The following RFX2 variants were observed in gnomAD, a reference collection of about 807,000 sequenced individuals.
The protein encoded by RFX2 is regulatory factor X2.
In RFX2, 20 loss-of-function variants were observed where a neutral mutation model predicts 87.8. That is an observed-to-expected ratio of 0.23 (90% CI 0.16 to 0.33). RFX2 has a LOEUF of 0.33. RFX2 is among the 10% of genes least tolerant of loss of function. The pLI is 1.00. For missense variants in RFX2, 767 were observed against 1,012.3 expected (o/e 0.76, Z 3.29); for synonymous variants, 397 against 431.3 (o/e 0.92, Z 0.98).
intron 1 of RFX2, among the ~76,000 whole-genome samples, chr19:6,107,209 T>A (rs1055311086): frequency 1.3e-5 from 2 of 152,016 alleles, no homozygotes; most frequent in African/African-American, 2.4e-5. Context: ...GGCAGGAGAA[T>A]GGTGTAAACC....
chr19:6,068,138 A>C (rs1207657374), intron 1 of RFX2: 1 of 152,206 alleles, frequency 6.6e-6, no homozygotes, highest in Non-Finnish European at 1.5e-5. Context: ...AATCACCAGC[A>C]GCTGGTGCCA....
intron 1 of RFX2, among the ~76,000 whole-genome samples, chr19:6,087,370 G>A (rs963208839): frequency 6.6e-6 from 1 of 152,190 alleles, no homozygotes; most frequent in African/African-American, 2.4e-5. Context: ...AGAACACTTA[G>A]GAGATAATTA....
At position 6,061,040 on chromosome 19, in the gene RFX2, G is replaced by C. The variant is rs2087422041; in HGVS notation, c.-8-13536C>G. 6.6e-6 allele frequency among the ~76,000 whole-genome samples: 1 copy of C among 152,168 alleles called. No individual in the cohort carries two copies. The highest frequency in any genetic ancestry group is 2.4e-5 in the African/African-American group (1 of 41,430). The stretch of plus-strand genomic sequence containing the variant: ...CTTGCGTTTCCTAAGCCAGGGGGCT[G>C]TTCAAGGCACTGGGCATCTCCCTGC... On this transcript the variant is annotated intron_variant, in intron 1 of 17. Coordinates refer to ENST00000303657, the MANE Select transcript of RFX2 (RefSeq NM_000635.4). The surrounding 1 kb of genome is among the most constrained non-coding windows in gnomAD (Gnocchi z 5.2).
At chr19:6,098,965 CAAAAA>C (rs34110529) in intron 1 of RFX2, among the ~76,000 whole-genome samples, 56 of 52,780 alleles carry the variant, frequency 1.1e-3, no homozygotes, top group African/African-American at 1.6e-3. Context: ...GCTTGAACCA[CAAAAA>C]AAAAAAAAAA....
chr19:6,025,779 T>G (rs1159359197), intron 6 of RFX2, among the ~76,000 whole-genome samples: 1 of 150,534 alleles, frequency 6.6e-6, no homozygotes, highest in Non-Finnish European at 1.5e-5. Context: ...TTTTATTGTC[T>G]TCTTCTTTTT....
intron 1 of RFX2, among the ~76,000 whole-genome samples, chr19:6,103,173 T>G (rs1433648887): frequency 6.6e-6 from 1 of 152,240 alleles, no homozygotes; most frequent in African/African-American, 2.4e-5. Flanking sequence ...TTTCAGCTTT[T>G]TCTCCACTTT....
At chr19:6,065,574 G>C (rs1205042895) in intron 1 of RFX2, among the ~76,000 whole-genome samples, 1 of 152,176 alleles carries the variant, frequency 6.6e-6, no homozygotes, top group African/African-American at 2.4e-5. Context: ...GTGAACCCGG[G>C]AGGCGGAGCT....
intron 1 of RFX2, among the ~76,000 whole-genome samples, chr19:6,087,456 C>T (rs1171340317): frequency 3.9e-5 from 6 of 152,258 alleles, no homozygotes; most frequent in Admixed American, 2.0e-4. Flanking sequence ...CTGCCAGAGG[C>T]GAGTAAAGGG....
chr19:6,108,470 AT>A (rs1170199240), intron 1 of RFX2, among the ~76,000 whole-genome samples: 1 of 152,118 alleles, frequency 6.6e-6, no homozygotes, highest in Non-Finnish European at 1.5e-5. Flanking sequence ...ACAGGCAAAA[AT>A]TTTTTTAAAA....
intron 7 of RFX2, among the ~76,000 whole-genome samples, 191 bp downstream of exon 7, chr19:6,015,899 T>C (rs1291622744): frequency 2.6e-5 from 4 of 152,344 alleles, no homozygotes; most frequent in Admixed American, 2.6e-4. Flanking sequence ...CACCGGCTTC[T>C]AAAGCCGACA....
chr19:6,096,572 G>T (rs1004466618), intron 1 of RFX2, among the ~76,000 whole-genome samples: 1 of 151,904 alleles, frequency 6.6e-6, no homozygotes, highest in African/African-American at 2.4e-5. Flanking sequence ...TCAGCCTCCC[G>T]AGTAGCTGGG....
chr19:6,032,242 C>A (rs2086962648), intron 5 of RFX2, among the ~76,000 whole-genome samples: 1 of 152,140 alleles, frequency 6.6e-6, no homozygotes, highest in Admixed American at 6.5e-5. Flanking sequence ...CTGCCTCAGC[C>A]TCCTGGGTAG....
intron 16 of RFX2, 66 bp from the exon 17 acceptor site, chr19:5,995,709 G>T: frequency 7.0e-7 from 1 of 1,430,324 alleles, no homozygotes; most frequent in Non-Finnish European, 9.6e-7. Flanking sequence ...GGGGGCTCGG[G>T]GGATGCCGGC....
chr19:6,030,920 C>T (rs1198660358), intron 5 of RFX2, among the ~76,000 whole-genome samples: 1 of 152,252 alleles, frequency 6.6e-6, no homozygotes, highest in East Asian at 1.9e-4. Flanking sequence ...CAGACATTGC[C>T]ACATTTCATT....
chr19:6,003,366 G>C (rs1220605339), intron 13 of RFX2, among the ~76,000 whole-genome samples: 1 of 152,112 alleles, frequency 6.6e-6, no homozygotes, highest in Non-Finnish European at 1.5e-5. Flanking sequence ...CACCGGCCCT[G>C]AATGTGACTT....
rs544212307 is a variant in RFX2 at position 5,994,619 on chromosome 19, G to C, written c.*216C>G. ...GGCTGCGCAGGGACCTGGGGACCCA[G>C]AGCACAGCTACAGCCAGTGGGAGCC... On this transcript the variant is annotated 3_prime_UTR_variant, in exon 18 of 18. Coordinates refer to ENST00000303657, the MANE Select transcript of RFX2 (RefSeq NM_000635.4). The C allele has an allele frequency of 3.7e-5, 21 of 573,748 alleles. No individual in the cohort carries two copies. The East Asian group carries it at 5.7e-4, about 16-fold the overall frequency. The allele number at this position is 573,748 out of a possible 1,614,324, so 35.5% of individuals were successfully genotyped here.
intron 9 of RFX2, among the ~76,000 whole-genome samples, chr19:6,009,290 G>A (rs976152360): frequency 1.3e-5 from 2 of 152,176 alleles, no homozygotes; most frequent in African/African-American, 4.8e-5. Context: ...TGTGTACAGA[G>A]CCCACCTGAA....
intron 6 of RFX2, among the ~76,000 whole-genome samples, chr19:6,019,509 A>AGTGTGTGTGTGT (rs1363381067): frequency 1.4e-5 from 1 of 69,864 alleles, no homozygotes; most frequent in African/African-American, 8.6e-5. Flanking sequence ...TTAGTGTGTG[A>AGTGTGTGTGTGT]GTATGTGTGT....
At chr19:6,060,522 C>T (rs1321963146) in intron 1 of RFX2, among the ~76,000 whole-genome samples, 1 of 152,182 alleles carries the variant, frequency 6.6e-6, no homozygotes, top group Non-Finnish European at 1.5e-5. Context: ...TGAAACCCTG[C>T]TCTTTATCCT....
Sources: allele counts gnomAD v4.1 joint callset (sites outside exome capture counted in the v4.1 genomes callset), GRCh38; gene constraint gnomAD v4.1.1; non-coding constraint Gnocchi (gnomAD v3.1); transcripts MANE v1.5; gene names NCBI Gene and HGNC (gene_info 2026-07-23, HGNC 2026-07-21).